The following ZBTB14 variants were observed in gnomAD, a reference collection of about 807,000 sequenced individuals.
ZBTB14 encodes zinc finger and BTB domain-containing protein 14.
In ZBTB14, 8 loss-of-function variants were observed where a neutral mutation model predicts 29.5. The ratio of observed to expected loss-of-function variants is 0.27; its 90% CI spans 0.16 to 0.49. The LOEUF (loss-of-function observed/expected upper bound fraction) is 0.49. ZBTB14 is among the 20% of genes least tolerant of loss of function. The probability of loss-of-function intolerance (pLI) is 0.99; values close to 1 mark genes in which losing one functional copy is unlikely to be tolerated. For synonymous variants in ZBTB14, 226 were observed against 207.2 expected (o/e 1.09, Z -0.78); for missense variants, 333 against 563.8 (o/e 0.59, Z 4.15).
chr18:5,291,114 A>G lies in ZBTB14; in HGVS notation c.1094T>C (p.Met365Thr). 6.2e-7 allele frequency: 1 copy of G among 1,614,256 alleles called. No homozygotes were observed. ...CTTGTGTTTGAAGGCTTTGTCACAC[A>G]TGTGGCACGCAAACGGTCTTTCATT... ...HSNERPFACH[M>T]CDKAFKHKSH... The change falls in exon 4 of 4, where the codon ATG becomes ACG. Residue 365 changes from methionine (M) to threonine (T), a missense_variant. Transcript: ENST00000651870. This position sits in a 1 kb window ranked among gnomAD's most constrained non-coding sequence, Gnocchi z 5.8.
In ZBTB14 at chr18:5,289,559, TTAG is replaced by T. The variant is rs2071766187; in HGVS notation, c.*1296_*1298del. On this transcript the variant is annotated 3_prime_UTR_variant, in exon 4 of 4. Transcript: ENST00000651870. ...TTCCTAAAGATGGTTAAAAGAACAT[TTAG>T]TATACCAAAACTGGAATAGAGTTTA... is the stretch of plus-strand genomic sequence containing the variant. 6.6e-6 allele frequency: 1 copy of T among 152,184 alleles called. No individual in the cohort carries two copies. The highest frequency in any genetic ancestry group is 1.5e-5 in the Non-Finnish European group (1 of 68,014). The allele number at this position is 152,184 out of a possible 1,614,324, so 9.4% of individuals were successfully genotyped here.
intron 1 of ZBTB14, among the ~76,000 whole-genome samples, chr18:5,294,436 G>A (rs900269920): frequency 3.3e-5 from 5 of 152,302 alleles, no homozygotes; most frequent in Non-Finnish European, 5.9e-5. Context: ...AGTGGCCTTA[G>A]ACTAGCTATG....
chr18:5,293,050 C>T (rs2071853532), intron 3 of ZBTB14, among the ~76,000 whole-genome samples, 194 bp downstream of exon 3: 1 of 152,216 alleles, frequency 6.6e-6, no homozygotes, highest in Non-Finnish European at 1.5e-5. Context: ...AGATCTCTGT[C>T]ATCATGTTAA....
chr18:5,294,074 G>A (rs984665258), intron 1 of ZBTB14, 73 bp from the exon 2 acceptor site: 1 of 152,214 alleles, frequency 6.6e-6, no homozygotes, highest in Non-Finnish European at 1.5e-5. Context: ...AGGAGCAAAG[G>A]ACTGGGCTGT....
chr18:5,293,554 G>C (rs564890240), intron 2 of ZBTB14: 2 of 288,338 alleles, frequency 6.9e-6, no homozygotes, highest in Admixed American at 4.7e-5. Context: ...CTGTGCCCTA[G>C]GAACTGGAAG....
At chr18:5,292,328 T>A in intron 3 of ZBTB14, 124 bp from the exon 4 acceptor site, 1 of 840,282 alleles carries the variant, frequency 1.2e-6, no homozygotes, top group South Asian at 2.1e-5. Context: ...ATGTTAAGAG[T>A]GGTCTTTGAA....
Position 5,290,865 on chromosome 18 carries a change from C to T in ZBTB14, c.1343G>A (p.Cys448Tyr). 6.2e-7 allele frequency: 1 copy of T among 1,613,496 alleles called. No individual in the cohort carries two copies. The highest frequency in any genetic ancestry group is 8.5e-7 in the Non-Finnish European group (1 of 1,179,524). The change falls in exon 4 of 4, where the codon TGT becomes TAT. Residue 448 changes from cysteine to tyrosine, a missense_variant. Cys to Tyr is a radical substitution (Grantham distance 194, BLOSUM62 -2). Transcript: ENST00000651870. ...GTCCCTGTCCCACCGCCTCTAGCTA[C>T]AGGCTATCGTCTCCAGCTGCTGTTC... is the stretch of plus-strand genomic sequence containing the variant. ...EAEQQLETIA[C>Y]S
intron 2 of ZBTB14, chr18:5,293,576 G>GA (rs1567908268): frequency 7.9e-6 from 2 of 254,160 alleles, no homozygotes; most frequent in Non-Finnish European, 1.5e-5. Flanking sequence ...AGGGGTTGGA[G>GA]AACCATTAAG....
chr18:5,296,303 CT>C (rs1362932908), upstream of ZBTB14: 1 of 150,478 alleles, frequency 6.6e-6, no homozygotes, highest in Non-Finnish European at 1.5e-5. Context: ...AAGGGCGGGG[CT>C]TCGGGAGCCA....
chr18:5,291,541 T>C lies in ZBTB14; in HGVS notation c.667A>G (p.Met223Val), dbSNP rs751948640. 19 of 1,614,130 alleles carry C rather than the reference T, an allele frequency of 1.2e-5. No individual in the cohort carries two copies. Among genetic ancestry groups the C allele is most frequent in the Non-Finnish European group, 1.6e-5 (19 of 1,180,030 alleles). Residue 223 changes from methionine to valine, a missense_variant, in exon 4 of 4, where the codon ATG (methionine) becomes GTG (valine). Physicochemically the swap from Met to Val is conservative, Grantham distance 21. Transcript: ENST00000651870. This position sits in a 1 kb window ranked among gnomAD's most constrained non-coding sequence, Gnocchi z 5.8. ...AAGTCTTTTGATTCTGGGGTCTCCATGGATTCTACTTCCTGGCCGTAGCAA... is the reference window on the plus strand; with the variant it reads ...AAGTCTTTTGATTCTGGGGTCTCCACGGATTCTACTTCCTGGCCGTAGCAA... ...VNCYGQEVES[M>V]ETPESKDLGS...
At position 5,292,168 on chromosome 18, in the gene ZBTB14, T is replaced by C; in HGVS notation, c.40A>G (p.Asn14Asp). 1 of 1,583,856 alleles carries C rather than the reference T, an allele frequency of 6.3e-7. No individual in the cohort carries two copies. Among genetic ancestry groups the C allele is most frequent in the South Asian group, 1.1e-5 (1 of 87,118 alleles). ...AACAGAGTTTTATGATCATCGTCATTATATTTAATGGTTTCAGACATACTG... is the reference window on the plus strand; with the variant it reads ...AACAGAGTTTTATGATCATCGTCATCATATTTAATGGTTTCAGACATACTG... ...FISMSETIKY[N>D]DDDHKTLFLK... Residue 14 changes from asparagine to aspartate, a missense_variant, in exon 4 of 4, where the codon AAT becomes GAT. Physicochemically the swap from Asn to Asp is conservative, Grantham distance 23. Coordinates refer to ENST00000651870, the MANE Select transcript of ZBTB14 (RefSeq NM_001243702.2).
rs2071861519 is a variant in ZBTB14, at chr18:5,293,336, GA to G, written c.-81-10del. On this transcript the variant is annotated splice_polypyrimidine_tract_variant and intron_variant, in intron 2 of 3. Transcript: ENST00000651870. ...TCAGGAGCACGCCAGACCTACAGAG[GA>G]AAGGATAAACAAGAATGAGGTAGGA... is the stretch of plus-strand genomic sequence containing the variant. 2 of 1,358,760 alleles carry G rather than the reference GA, an allele frequency of 1.5e-6. No homozygotes were observed. The highest frequency in any genetic ancestry group is 1.0e-6 in the Non-Finnish European group (1 of 981,290). The allele number at this position is 1,358,760 out of a possible 1,614,324, so 84.2% of individuals were successfully genotyped here. A position where few individuals can be genotyped will look rare whatever the true frequency, so the allele number is the denominator to read the frequency against.
rs1319073214 is a variant in ZBTB14, at chr18:5,293,463, AG to A, written c.-81-137del. On this transcript the variant is annotated intron_variant, in intron 2 of 3. Transcript: ENST00000651870. Reference sequence around the variant, plus strand: ...TTTCAGGTTGGGGAGAGTGGCAGGTAGGTAGCTGGTACATCAAGTGCAGTTC... The same window carrying A: ...TTTCAGGTTGGGGAGAGTGGCAGGTAGTAGCTGGTACATCAAGTGCAGTTC... 7.1e-5 allele frequency: 40 copies of A among 564,830 alleles called. 1 individual carries two copies. Among genetic ancestry groups the A allele is most frequent in the Admixed American group, 3.1e-5 (1 of 32,772 alleles). The allele number at this position is 564,830 out of a possible 1,614,324, so 35.0% of individuals were successfully genotyped here.
Position 5,291,885 on chromosome 18 carries a change from ATTAAG to A in ZBTB14, c.318_322del (p.Leu107AspfsTer14). The A allele has an allele frequency of 3.1e-6, 5 of 1,614,208 alleles. No homozygotes were observed. Among genetic ancestry groups the A allele is most frequent in the Non-Finnish European group, 4.2e-6 (5 of 1,180,038 alleles). On this transcript the variant is annotated frameshift_variant, in exon 4 of 4. Coordinates refer to ENST00000651870, the MANE Select transcript of ZBTB14 (RefSeq NM_001243702.2). LOFTEE classifies it high-confidence loss of function. This position sits in a 1 kb window ranked among gnomAD's most constrained non-coding sequence, Gnocchi z 5.8. Reference sequence around the variant, plus strand: ...ACCAAGAATCTGACCCGATGACATCATTAAGTTAACATCTTCTTTTTTCACGGAAA... The same window carrying A: ...ACCAAGAATCTGACCCGATGACATCATTAACATCTTCTTTTTTCACGGAAA...
Position 5,291,750 on chromosome 18 carries a change from C to T in ZBTB14, c.458G>A (p.Gly153Glu). The T allele has an allele frequency of 1.2e-6, 2 of 1,614,094 alleles. No individual in the cohort carries two copies. Among genetic ancestry groups the T allele is most frequent in the Non-Finnish European group, 1.7e-6 (2 of 1,180,000 alleles). Residue 153 changes from glycine to glutamate, a missense_variant, in exon 4 of 4, where the codon GGA becomes GAA. Around this residue, in one of 3 missense-constraint regions of ZBTB14, gnomAD observed 126 missense variants for 132.2 expected, o/e 0.95. Transcript: ENST00000651870. The surrounding 1 kb of genome is among the most constrained non-coding windows in gnomAD (Gnocchi z 5.8). ...ATCATCCTGGGTGTCAGCAGCATCT[C>T]CAATGGGGCGATTTATTTTAAGGCA... ...KYCLKINRPI[G>E]DAADTQDDDV...
At chr18:5,293,194 C>T (rs1310659087) in intron 3 of ZBTB14, 50 bp downstream of exon 3, 3 of 1,600,556 alleles carry the variant, frequency 1.9e-6, no homozygotes, top group East Asian at 2.2e-5. Context: ...TATTTTAAAG[C>T]AAATGCCAAG....
At chr18:5,296,315 G>A (rs1332497655), upstream of ZBTB14, 2 of 150,536 alleles carry the variant, frequency 1.3e-5, no homozygotes, top group East Asian at 2.0e-4. Flanking sequence ...TCGGGAGCCA[G>A]GGAACTTAAG....
chr18:5,290,918 C>G lies in ZBTB14; in HGVS notation c.1290G>C (p.Leu430Phe), dbSNP rs1480301770. 6.2e-7 allele frequency: 1 copy of G among 1,614,166 alleles called. No homozygotes were observed. The highest frequency in any genetic ancestry group is 8.5e-7 in the Non-Finnish European group (1 of 1,180,064). ...PSAIQSETEQ[L>F]QAAAMAAEAE... is the part of the protein sequence containing the mutation. ...CTTCCGCAGCCATCGCTGCCGCCTG[C>G]AACTGTTCTGTCTCGCTCTGGATGG... The change falls in exon 4 of 4, where the codon TTG becomes TTC. Residue 430 changes from leucine (L) to phenylalanine (F), a missense_variant. Leu to Phe is a conservative substitution (Grantham distance 22). Transcript: ENST00000651870.
chr18:5,292,290 T>G, intron 3 of ZBTB14, 86 bp from the exon 4 acceptor site: 1 of 1,136,194 alleles, frequency 8.8e-7, no homozygotes, highest in East Asian at 2.7e-5. Flanking sequence ...CTGGTCAATC[T>G]ATGGAACCTA....
Sources: gnomAD v4.1 joint callset for allele counts (sites outside exome capture counted in the v4.1 genomes callset) on GRCh38, gnomAD v4.1.1 for gene constraint, gnomAD v4.1.1 regional missense constraint, Gnocchi (gnomAD v3.1) non-coding constraint, MANE v1.5 for transcripts, NCBI Gene and HGNC (gene_info 2026-07-23, HGNC 2026-07-21) for gene names.